CHIC2: variants seen among roughly 807,000 people sequenced by gnomAD.
CHIC2 encodes cysteine rich hydrophobic domain 2.
Under a neutral mutation model 25.9 loss-of-function variants are expected in CHIC2, and 14 were observed. The observed-to-expected ratio is 0.54, with a 90% CI of 0.36 to 0.85. The LOEUF (loss-of-function observed/expected upper bound fraction) is 0.85. Among genes scored for constraint, CHIC2 ranks in the 40% least tolerant of loss-of-function variants. The pLI is 0.01. For missense variants in CHIC2, 146 were observed against 202.0 expected, an observed-to-expected ratio of 0.72 and a Z score of 1.68; for synonymous variants, 70 against 72.0, an observed-to-expected ratio of 0.97 and a Z score of 0.14.
intron 3 of CHIC2, among the ~76,000 whole-genome samples, chr4:54,045,485 C>T (rs1298570565): frequency 2.0e-5 from 3 of 152,146 alleles, no homozygotes; most frequent in Non-Finnish European, 2.9e-5. Flanking sequence ...GGATGCAAGG[C>T]TGGTTCAACA....
chr4:54,091,360 G>A, the CHIC2 span, among the ~76,000 whole-genome samples: 1 of 152,174 alleles, frequency 6.6e-6, no homozygotes, highest in African/African-American at 2.4e-5. Flanking sequence ...GCCTAGTGGG[G>A]AGGCGGGGCT....
chr4:54,019,561 G>A (rs1453424247), intron 3 of CHIC2, among the ~76,000 whole-genome samples: 1 of 152,040 alleles, frequency 6.6e-6, no homozygotes, highest in Non-Finnish European at 1.5e-5. Flanking sequence ...ACTTGTTTAG[G>A]TTATACTGGT....
chr4:54,031,191 C>A (rs1177422003), intron 3 of CHIC2, among the ~76,000 whole-genome samples: 2 of 143,296 alleles, frequency 1.4e-5, no homozygotes, highest in Non-Finnish European at 3.1e-5. Context: ...AAAAAAAAAA[C>A]CTAACGCTGA....
At chr4:54,042,179 G>T (rs1716598516) in intron 3 of CHIC2, among the ~76,000 whole-genome samples, 1 of 151,984 alleles carries the variant, frequency 6.6e-6, no homozygotes, top group Non-Finnish European at 1.5e-5. Context: ...TTTTTAAAAA[G>T]CAAGTCATGT....
At chr4:54,044,309 C>T (rs1716697713) in intron 3 of CHIC2, among the ~76,000 whole-genome samples, 1 of 152,208 alleles carries the variant, frequency 6.6e-6, no homozygotes, top group Non-Finnish European at 1.5e-5. Flanking sequence ...ACCTAATAGA[C>T]ATCTACAGAA....
Position 54,064,082 on chromosome 4 carries a change from C to T in CHIC2, c.119+100G>A, listed in dbSNP as rs1370380801. The T allele has an allele frequency of 3.9e-6, 4 of 1,017,036 alleles. No individual in the cohort carries two copies. Among genetic ancestry groups the T allele is most frequent in the South Asian group, 1.5e-5 (1 of 68,396 alleles). The allele number at this position is 1,017,036 out of a possible 1,614,324, so 63.0% of individuals were successfully genotyped here. ...CCTGGTTGCCTACTCTTTCGGAAGG[C>T]CCCCGACACCAGACGGACACAGGGG... On this transcript the variant is annotated intron_variant, in intron 1 of 5. Coordinates refer to ENST00000263921, the MANE Select transcript of CHIC2 (RefSeq NM_012110.4). This position sits in a 1 kb window ranked among gnomAD's most constrained non-coding sequence, Gnocchi z 4.2.
chr4:54,074,360 A>G, the CHIC2 span, among the ~76,000 whole-genome samples: 1 of 152,182 alleles, frequency 6.6e-6, no homozygotes, highest in African/African-American at 2.4e-5. Flanking sequence ...GCATGCTGAG[A>G]AAATCTACTC....
intron 1 of CHIC2, among the ~76,000 whole-genome samples, chr4:54,049,751 AAG>A (rs1443287051): frequency 2.0e-5 from 3 of 152,148 alleles, no homozygotes; most frequent in Admixed American, 6.5e-5. Context: ...ATGCAGGAAA[AAG>A]AGTGAGGAGG....
the CHIC2 span, chr4:54,087,519 A>G: frequency 1.7e-5 from 19 of 1,147,356 alleles, no homozygotes; most frequent in Non-Finnish European, 1.1e-5. Context: ...CAGCTGCTCT[A>G]CAAATTTGAG....
chr4:54,011,887 T>C (rs923440650), intron 5 of CHIC2, among the ~76,000 whole-genome samples: 8 of 151,932 alleles, frequency 5.3e-5, no homozygotes, highest in African/African-American at 1.9e-4. Flanking sequence ...ATAATTATTT[T>C]CTTTTAACAA....
upstream of CHIC2, among the ~76,000 whole-genome samples, chr4:54,065,797 C>T (rs369157474): frequency 6.6e-6 from 1 of 151,902 alleles, no homozygotes; most frequent in African/African-American, 2.4e-5. Flanking sequence ...TCACTGTTGA[C>T]GTGGAGAAAG....
chr4:54,058,549 T>TACACACATACACACACACACACACAC (rs1176285644), intron 1 of CHIC2, among the ~76,000 whole-genome samples: 1 of 126,918 alleles, frequency 7.9e-6, no homozygotes, highest in Non-Finnish European at 1.7e-5. Context: ...CATACACACA[T>TACACACATACACACACACACACACAC]ACACACACAT....
chr4:54,064,726 C>T, upstream of CHIC2: 1 of 902,398 alleles, frequency 1.1e-6, no homozygotes, highest in Non-Finnish European at 1.3e-6. This position sits in a 1 kb window ranked among gnomAD's most constrained non-coding sequence, Gnocchi z 4.2. Context: ...GGCTGGCGGG[C>T]GGGCGGGCGC....
At chr4:54,052,489 TAGAA>T (rs776161191) in intron 1 of CHIC2, among the ~76,000 whole-genome samples, 9 of 152,180 alleles carry the variant, frequency 5.9e-5, no homozygotes, top group Non-Finnish European at 1.2e-4. Flanking sequence ...AGCACAGTAT[TAGAA>T]AGGCCAAGTT....
At position 54,064,572 on chromosome 4, in the gene CHIC2, T is replaced by C; in HGVS notation, c.-272A>G. On this transcript the variant is annotated 5_prime_UTR_variant, in exon 1 of 6. Transcript: ENST00000263921. The surrounding 1 kb of genome is among the most constrained non-coding windows in gnomAD (Gnocchi z 4.2). ...ACACCTCCACAAGCACAGACGCCGC[T>C]GCCGCCGCCGCAGCAGCAGCAACTC... 1 of 1,262,260 alleles carries C rather than the reference T, an allele frequency of 7.9e-7. No individual in the cohort carries two copies. Among genetic ancestry groups the C allele is most frequent in the Non-Finnish European group, 1.0e-6 (1 of 1,003,174 alleles). The allele number at this position is 1,262,260 out of a possible 1,614,324, so 78.2% of individuals were successfully genotyped here. A position where few individuals can be genotyped will look rare whatever the true frequency, so the allele number is the denominator to read the frequency against.
the CHIC2 span, among the ~76,000 whole-genome samples, chr4:54,071,619 G>A: frequency 6.6e-6 from 1 of 152,180 alleles, no homozygotes; most frequent in Non-Finnish European, 1.5e-5. Context: ...AAATATTTGG[G>A]TTCCTTACAT....
intron 3 of CHIC2, among the ~76,000 whole-genome samples, chr4:54,017,475 A>G (rs1301952627): frequency 6.6e-6 from 1 of 152,186 alleles, no homozygotes; most frequent in Non-Finnish European, 1.5e-5. Context: ...TTTAGCTGAA[A>G]GAACAGGGGA....
upstream of CHIC2, among the ~76,000 whole-genome samples, chr4:54,068,849 G>A (rs1043556352): frequency 2.0e-5 from 3 of 152,170 alleles, no homozygotes; most frequent in African/African-American, 7.2e-5. Flanking sequence ...CCAGTCACAA[G>A]TCCAGGTCTC....
upstream of CHIC2, among the ~76,000 whole-genome samples, chr4:54,068,333 G>A (rs906420458): frequency 1.3e-5 from 2 of 152,108 alleles, no homozygotes; most frequent in African/African-American, 4.8e-5. Flanking sequence ...TCATGAATGG[G>A]ATTAGTGCCC....
Sources: allele counts gnomAD v4.1 joint callset (sites outside exome capture counted in the v4.1 genomes callset), GRCh38; gene constraint gnomAD v4.1.1; non-coding constraint Gnocchi (gnomAD v3.1); transcripts MANE v1.5; gene names NCBI Gene and HGNC (gene_info 2026-07-23, HGNC 2026-07-21).